LEPR: variants seen among roughly 807,000 people sequenced by gnomAD.
The protein encoded by LEPR is OB receptor.
Under a neutral mutation model 114.7 loss-of-function variants are expected in LEPR, and 56 were observed. That is an observed-to-expected ratio of 0.49 (90% confidence interval 0.39 to 0.61). The LOEUF (loss-of-function observed/expected upper bound fraction) is 0.61. LEPR is among the 20% of genes least tolerant of loss of function. The pLI, the probability that LEPR is intolerant of heterozygous loss-of-function variation, is 0.00. For synonymous variants in LEPR, 443 were observed against 461.4 expected (o/e 0.96, Z 0.51); for missense variants, 1,202 against 1,352.9 (o/e 0.89, Z 1.75).
chr1:65,622,498 A>G (rs1040038253), intron 18 of LEPR, among the ~76,000 whole-genome samples: 1 of 152,202 alleles, frequency 6.6e-6, no homozygotes, highest in African/African-American at 2.4e-5. Flanking sequence ...TGTAGAAACC[A>G]TCGTCTTCAG....
intron 2 of LEPR, among the ~76,000 whole-genome samples, chr1:65,452,006 T>C (rs1282445468): frequency 2.6e-5 from 4 of 151,126 alleles, no homozygotes; most frequent in Non-Finnish European, 5.9e-5. Flanking sequence ...CCCTTGTAAG[T>C]TGGATTCCTA....
chr1:65,425,510 C>G (rs1259411624), intron 2 of LEPR, 132 bp downstream of exon 2: 1 of 664,574 alleles, frequency 1.5e-6, no homozygotes, highest in East Asian at 3.1e-5. Context: ...TTTATGAACA[C>G]AGTCCCTTTG....
chr1:65,459,983 G>A (rs1288773072), intron 2 of LEPR, among the ~76,000 whole-genome samples: 1 of 151,764 alleles, frequency 6.6e-6, no homozygotes. Context: ...AATCTAAAAT[G>A]AGCCCACATG....
At chr1:65,426,170 G>GT (rs1557581479) in intron 2 of LEPR, among the ~76,000 whole-genome samples, 6 of 152,244 alleles carry the variant, frequency 3.9e-5, no homozygotes, top group African/African-American at 1.4e-4. Context: ...CAGCAAGCAG[G>GT]CCATACAGAT....
At chr1:65,438,268 C>T (rs1374466211) in intron 2 of LEPR, among the ~76,000 whole-genome samples, 2 of 151,862 alleles carry the variant, frequency 1.3e-5, no homozygotes, top group East Asian at 1.9e-4. Flanking sequence ...AAAGAAGAGA[C>T]CAGCCGGGCA....
intron 2 of LEPR, among the ~76,000 whole-genome samples, chr1:65,518,873 TTTTCTTTCTTTCTTTC>T (rs55672943): frequency 4.1e-4 from 48 of 117,322 alleles, no homozygotes; most frequent in Non-Finnish European, 7.0e-4. Context: ...CTTTCTTTCT[TTTTCTTTCTTTCTTTC>T]TTTCTTTCTT....
intron 2 of LEPR, among the ~76,000 whole-genome samples, chr1:65,564,163 CT>C: frequency 2.0e-5 from 3 of 150,068 alleles, no homozygotes; most frequent in Non-Finnish European, 4.5e-5. Context: ...TCGCTGCCGC[CT>C]TGCAGTTTGA....
chr1:65,505,745 T>A (rs1482492340), intron 2 of LEPR, among the ~76,000 whole-genome samples: 1 of 92,012 alleles, frequency 1.1e-5, no homozygotes, highest in Admixed American at 1.6e-4. Flanking sequence ...TCTAGGTAAC[T>A]CACCATCCCT....
rs1045016776 is a variant in LEPR at position 65,428,983 on chromosome 1, G to A, written c.-21+3605G>A. ...GAGCATATTTATTTTCATGCCTTCC[G>A]TACTTAAAATTTATTTATTATTTTA... is the stretch of plus-strand genomic sequence containing the variant. On this transcript the variant is annotated intron_variant, in intron 2 of 19. Coordinates refer to ENST00000349533, the MANE Select transcript of LEPR (RefSeq NM_002303.6). 5.3e-5 allele frequency among the ~76,000 whole-genome samples: 8 copies of A among 151,966 alleles called. No homozygotes were observed. The East Asian group carries it at 5.8e-4, about 11-fold the overall frequency.
intron 2 of LEPR, among the ~76,000 whole-genome samples, chr1:65,548,794 T>A (rs1183887033): frequency 6.6e-6 from 1 of 152,118 alleles, no homozygotes; most frequent in East Asian, 1.9e-4. Flanking sequence ...AATTGGAGCA[T>A]TTAGTCCATT....
chr1:65,592,546 A>G lies in LEPR; in HGVS notation c.495-111A>G, dbSNP rs1478773428. ...GTTTTTTTTTTTCAGATACCCTTTAAGCTGGGTGTCCCAAATAGTTTACTT... is the reference window on the plus strand; with the variant it reads ...GTTTTTTTTTTTCAGATACCCTTTAGGCTGGGTGTCCCAAATAGTTTACTT... On this transcript the variant is annotated intron_variant, in intron 5 of 19. Transcript: ENST00000349533. 7 of 1,159,354 alleles carry G rather than the reference A, an allele frequency of 6.0e-6. No individual in the cohort carries two copies. Among genetic ancestry groups the G allele is most frequent in the Non-Finnish European group, 4.9e-6 (4 of 814,536 alleles). 71.8% of individuals were successfully genotyped at this position (1,159,354 alleles called of 1,614,324 possible). A position where few individuals can be genotyped will look rare whatever the true frequency, so the allele number is the denominator to read the frequency against.
chr1:65,518,580 C>T lies in LEPR; in HGVS notation c.-20-46966C>T, dbSNP rs528117021. Among the ~76,000 whole-genome samples the T allele has an allele frequency of 5.3e-5, 8 of 152,282 alleles. No homozygotes were observed. In the East Asian group the frequency reaches 5.8e-4, roughly 11 times the overall value. On this transcript the variant is annotated intron_variant, in intron 2 of 19. Transcript: ENST00000349533. ...AAGTCCTGGCCACTTTTGGTTTCAC[C>T]GTTCTTTCCCTAATTTTTATCTTTC...
chr1:65,608,961 A>G, intron 12 of LEPR, 60 bp downstream of exon 12: 1 of 1,593,424 alleles, frequency 6.3e-7, no homozygotes, highest in Non-Finnish European at 8.6e-7. Context: ...AATATGTAAG[A>G]GTTTAATTGC....
chr1:65,455,794 C>T (rs1049080398), intron 2 of LEPR, among the ~76,000 whole-genome samples: 1 of 152,228 alleles, frequency 6.6e-6, no homozygotes, highest in Non-Finnish European at 1.5e-5. Context: ...CCTCTTTGAG[C>T]TGTGGTGGGC....
intron 2 of LEPR, among the ~76,000 whole-genome samples, chr1:65,521,358 AGGCCTG>A (rs1649626484): frequency 6.6e-6 from 1 of 152,176 alleles, no homozygotes; most frequent in Non-Finnish European, 1.5e-5. Flanking sequence ...TCTGACTCAA[AGGCCTG>A]ACAGAACCAG....
chr1:65,477,949 A>G (rs767584213), intron 2 of LEPR, among the ~76,000 whole-genome samples: 1 of 152,194 alleles, frequency 6.6e-6, no homozygotes, highest in East Asian at 1.9e-4. Context: ...GGTAGTGGAC[A>G]TTGGATTACT....
At chr1:65,621,609 G>A (rs770661132) in intron 18 of LEPR, 151 bp downstream of exon 18, 91 of 670,918 alleles carry the variant, frequency 1.4e-4, no homozygotes, top group African/African-American at 1.2e-3. Flanking sequence ...AAAAGGAAAG[G>A]CCTGTTGTGA....
At chr1:65,517,643 T>C (rs1649358626) in intron 2 of LEPR, among the ~76,000 whole-genome samples, 1 of 152,226 alleles carries the variant, frequency 6.6e-6, no homozygotes, top group Admixed American at 6.5e-5. Context: ...TGCTCTGAAG[T>C]TGTAGCTTTG....
chr1:65,607,599 T>A (rs1366738935), intron 11 of LEPR, among the ~76,000 whole-genome samples: 4 of 152,222 alleles, frequency 2.6e-5, no homozygotes, highest in Non-Finnish European at 1.5e-5. Flanking sequence ...GTGCAGATAA[T>A]CAAGACATGA....
Sources: gnomAD v4.1 joint callset for allele counts (sites outside exome capture counted in the v4.1 genomes callset) on GRCh38, gnomAD v4.1.1 for gene constraint, MANE v1.5 for transcripts, NCBI Gene and HGNC (gene_info 2026-07-23, HGNC 2026-07-21) for gene names.